The following CD38 variants were observed in gnomAD, a reference collection of about 807,000 sequenced individuals.
CD38 encodes the protein CD38 molecule.
In CD38, 31 loss-of-function variants were observed where a neutral mutation model predicts 36.3. That is an observed-to-expected ratio of 0.85 (90% CI 0.64 to 1.15). The LOEUF (loss-of-function observed/expected upper bound fraction) is 1.15. Among genes scored for constraint, CD38 ranks in the 50% most tolerant of loss-of-function variants. The pLI, the probability that CD38 is intolerant of heterozygous loss-of-function variation, is 0.00. For missense variants in CD38, 380 were observed against 371.9 expected, an observed-to-expected ratio of 1.02 and a Z score of -0.18; for synonymous variants, 131 against 135.2, an observed-to-expected ratio of 0.97 and a Z score of 0.22.
At chr4:15,797,747 A>G (rs1359185374) in intron 1 of CD38, among the ~76,000 whole-genome samples, 5 of 151,956 alleles carry the variant, frequency 3.3e-5, no homozygotes, top group African/African-American at 1.2e-4. Flanking sequence ...TGTCTTGTTG[A>G]TGGTGTTGTC....
rs1418495971 is a variant in CD38, at chr4:15,852,881, C to G, written c.*4279C>G. The G allele has an allele frequency of 6.7e-6, 1 of 149,562 alleles. No homozygotes were observed. The highest frequency in any genetic ancestry group is 6.7e-5 in the Admixed American group (1 of 14,948). The allele number at this position is 149,562 out of a possible 1,614,324, so 9.3% of individuals were successfully genotyped here. A position where few individuals can be genotyped will look rare whatever the true frequency, so the allele number is the denominator to read the frequency against. ...CTAGAGTGCAGTGGCGCGATCTCGG[C>G]TCACTGCAGGCTCCACCCCCTGGGG... On this transcript the variant is annotated 3_prime_UTR_variant, in exon 8 of 8. Transcript: ENST00000226279.
chr4:15,809,422 G>A (rs1279089738), intron 1 of CD38, among the ~76,000 whole-genome samples: 1 of 152,126 alleles, frequency 6.6e-6, no homozygotes, highest in East Asian at 1.9e-4. Flanking sequence ...CGAAATGAAG[G>A]GGTTTCGTTA....
In CD38 at chr4:15,790,308, G is replaced by A. The variant is rs547520087; in HGVS notation, c.233+11661G>A. ...CCTGATTCTCCTGCCTCAGCCTGCC[G>A]AGTGCCTGCGCACGCCGCCACGCCT... On this transcript the variant is annotated intron_variant, in intron 1 of 7. Coordinates refer to ENST00000226279, the MANE Select transcript of CD38 (RefSeq NM_001775.4). Among the ~76,000 whole-genome samples, 1,493 of 151,884 alleles carry A rather than the reference G, an allele frequency of 9.8e-3. 2 individuals are homozygous for A. Among genetic ancestry groups the A allele is most frequent in the Non-Finnish European group, 0.016 (1,096 of 67,962 alleles).
rs1724368198 is a variant in CD38, at chr4:15,850,889, C to T, written c.*2287C>T. On this transcript the variant is annotated 3_prime_UTR_variant, in exon 8 of 8. Coordinates refer to ENST00000226279, the MANE Select transcript of CD38 (RefSeq NM_001775.4). ...GACCTGCTGTTTTCCTCTTAAGATC[C>T]TTTCCACTTTGGTTGCTGCTTTCGG... 1 of 152,260 alleles carries T rather than the reference C, an allele frequency of 6.6e-6. No individual in the cohort carries two copies. Among genetic ancestry groups the T allele is most frequent in the Non-Finnish European group, 1.5e-5 (1 of 68,078 alleles). 9.4% of individuals were successfully genotyped at this position (152,260 alleles called of 1,614,324 possible).
intron 1 of CD38, among the ~76,000 whole-genome samples, chr4:15,785,068 T>C (rs956723085): frequency 7.4e-6 from 1 of 134,256 alleles, no homozygotes; most frequent in African/African-American, 3.0e-5. Context: ...AAAAAAAAAA[T>C]CTCAGGTGCA....
At chr4:15,823,755 C>A (rs971337432) in intron 2 of CD38, among the ~76,000 whole-genome samples, 1 of 152,172 alleles carries the variant, frequency 6.6e-6, no homozygotes, top group African/African-American at 2.4e-5. Flanking sequence ...GATAGTGTGG[C>A]AATTCCTCAA....
At chr4:15,840,400 A>C (rs1724177367) in intron 6 of CD38, 52 bp from the exon 7 acceptor site, 1 of 1,266,936 alleles carries the variant, frequency 7.9e-7, no homozygotes, top group African/African-American at 1.5e-5. Context: ...AAGAGACTCC[A>C]AAAATGTTTG....
At chr4:15,812,540 A>G (rs1403974746) in intron 1 of CD38, among the ~76,000 whole-genome samples, 1 of 152,154 alleles carries the variant, frequency 6.6e-6, no homozygotes, top group Non-Finnish European at 1.5e-5. Context: ...TACTAAAAAT[A>G]ATAATAATAA....
At chr4:15,831,388 G>T (rs1470209649) in intron 3 of CD38, among the ~76,000 whole-genome samples, 1 of 152,108 alleles carries the variant, frequency 6.6e-6, no homozygotes, top group Non-Finnish European at 1.5e-5. Flanking sequence ...TGTACCTTCA[G>T]ATGATTAAAT....
At chr4:15,796,561 G>C (rs1374021390) in intron 1 of CD38, among the ~76,000 whole-genome samples, 1 of 152,032 alleles carries the variant, frequency 6.6e-6, no homozygotes, top group Non-Finnish European at 1.5e-5. Context: ...ATAAAAATTT[G>C]CCATATTTGT....
At chr4:15,795,351 G>A (rs1349609403) in intron 1 of CD38, among the ~76,000 whole-genome samples, 1 of 151,930 alleles carries the variant, frequency 6.6e-6, no homozygotes, top group Non-Finnish European at 1.5e-5. Context: ...ACCAGCAAAT[G>A]TCTACTCTGG....
chr4:15,849,865 A>G lies in CD38; in HGVS notation c.*1263A>G, dbSNP rs1724348739. 1.3e-5 allele frequency: 2 copies of G among 152,082 alleles called. No individual in the cohort carries two copies. Among genetic ancestry groups the G allele is most frequent in the Non-Finnish European group, 2.9e-5 (2 of 68,032 alleles). The allele number at this position is 152,082 out of a possible 1,614,324, so 9.4% of individuals were successfully genotyped here. On this transcript the variant is annotated 3_prime_UTR_variant, in exon 8 of 8. Transcript: ENST00000226279. The stretch of plus-strand genomic sequence containing the variant: ...TTTTGTATACATAGATTTTAGGACG[A>G]TATATTTTCCCTTGAGTTCTGCTTT...
intron 1 of CD38, among the ~76,000 whole-genome samples, chr4:15,780,042 G>A (rs528506280): frequency 1.1e-3 from 161 of 152,310 alleles, no homozygotes; most frequent in African/African-American, 3.7e-3. Context: ...GAATGACGAA[G>A]TTCTCACTCA....
intron 1 of CD38, among the ~76,000 whole-genome samples, chr4:15,790,980 C>T (rs937749479): frequency 4.0e-5 from 6 of 148,252 alleles, no homozygotes; most frequent in South Asian, 2.2e-4. Context: ...CTCCGTCCGG[C>T]GGCCACCCCG....
At chr4:15,785,647 G>A (rs536419359) in intron 1 of CD38, among the ~76,000 whole-genome samples, 4 of 151,922 alleles carry the variant, frequency 2.6e-5, no homozygotes, top group African/African-American at 9.7e-5. Context: ...AGATATTTTG[G>A]AGGGAAAAAA....
chr4:15,826,653 C>T (rs1478937120), intron 3 of CD38, among the ~76,000 whole-genome samples: 2 of 151,978 alleles, frequency 1.3e-5, no homozygotes, highest in Non-Finnish European at 2.9e-5. Flanking sequence ...TACCTGCAAT[C>T]CCAGCACTTT....
At chr4:15,818,908 G>C (rs568661212) in intron 2 of CD38, among the ~76,000 whole-genome samples, 1 of 152,286 alleles carries the variant, frequency 6.6e-6, no homozygotes, top group South Asian at 2.1e-4. Flanking sequence ...GAAAGAATCA[G>C]CACAAAAATG....
intron 2 of CD38, among the ~76,000 whole-genome samples, chr4:15,819,199 G>C (rs1723679076): frequency 6.6e-6 from 1 of 152,202 alleles, no homozygotes; most frequent in South Asian, 2.1e-4. Flanking sequence ...GTGGGTGCTA[G>C]GGGAGGATAA....
chr4:15,786,139 A>G (rs1324978367), intron 1 of CD38, among the ~76,000 whole-genome samples: 2 of 152,242 alleles, frequency 1.3e-5, no homozygotes, highest in African/African-American at 4.8e-5. Flanking sequence ...AGTGAGCAGC[A>G]GCAAGATTTA....
Sources: gnomAD v4.1 joint callset for allele counts (sites outside exome capture counted in the v4.1 genomes callset) on GRCh38, gnomAD v4.1.1 for gene constraint, MANE v1.5 for transcripts, NCBI Gene and HGNC (gene_info 2026-07-23, HGNC 2026-07-21) for gene names.